Variants in PPP1R16B observed in about 807,000 individuals in gnomAD.
PPP1R16B encodes protein phosphatase 1 regulatory subunit 16B.
PPP1R16B carries 14 observed loss-of-function variants against 61.7 expected under a neutral mutation model. The observed-to-expected ratio is 0.23, with a 90% CI of 0.15 to 0.35. PPP1R16B has a LOEUF of 0.35. Ranked by LOEUF, PPP1R16B falls within the 10% of genes least tolerant of loss-of-function variation. PPP1R16B has a pLI of 1.00. For synonymous variants in PPP1R16B, 266 were observed against 305.3 expected (o/e 0.87, Z 1.34); for missense variants, 547 against 752.5 (o/e 0.73, Z 3.19).
At chr20:38,882,902 A>G (rs766331501) in intron 2 of PPP1R16B, among the ~76,000 whole-genome samples, 10 of 152,126 alleles carry the variant, frequency 6.6e-5, no homozygotes, top group Non-Finnish European at 1.3e-4. Context: ...GGAGGATCAG[A>G]GCTCGGTTTT....
At chr20:38,858,415 G>A (rs1028804575) in intron 2 of PPP1R16B, among the ~76,000 whole-genome samples, 6 of 152,100 alleles carry the variant, frequency 3.9e-5, no homozygotes, top group Non-Finnish European at 7.4e-5. Flanking sequence ...CTGCATTGAA[G>A]GAAACTTTAC....
At chr20:38,838,658 G>T (rs2084888673) in intron 2 of PPP1R16B, 1 of 152,318 alleles carries the variant, frequency 6.6e-6, no homozygotes, top group Non-Finnish European at 1.5e-5. Flanking sequence ...TTTTGTTGGG[G>T]GCGGAAGTTC....
chr20:38,840,784 G>T (rs1370070790), intron 2 of PPP1R16B, among the ~76,000 whole-genome samples: 2 of 152,182 alleles, frequency 1.3e-5, no homozygotes, highest in African/African-American at 4.8e-5. Context: ...TACTAGCTGT[G>T]CATCCTTGGG....
intron 2 of PPP1R16B, among the ~76,000 whole-genome samples, chr20:38,878,516 C>G (rs1299345812): frequency 6.6e-6 from 1 of 152,160 alleles, no homozygotes; most frequent in East Asian, 1.9e-4. Flanking sequence ...TTAGTCATGC[C>G]TGAAATACCA....
At chr20:38,911,035 G>A (rs2085484724) in intron 10 of PPP1R16B, among the ~76,000 whole-genome samples, 1 of 151,842 alleles carries the variant, frequency 6.6e-6, no homozygotes, top group African/African-American at 2.4e-5. Flanking sequence ...TTTTAGAGAT[G>A]GAATCTTGCT....
At chr20:38,915,903 A>G (rs1303447966) in intron 10 of PPP1R16B, among the ~76,000 whole-genome samples, 1 of 151,950 alleles carries the variant, frequency 6.6e-6, no homozygotes, top group African/African-American at 2.4e-5. Flanking sequence ...GAAGTGCCAA[A>G]TTGCAGGCCC....
chr20:38,863,887 A>C (rs1472966944), intron 2 of PPP1R16B, among the ~76,000 whole-genome samples: 2 of 152,246 alleles, frequency 1.3e-5, no homozygotes, highest in Admixed American at 1.3e-4. Flanking sequence ...ACTTGTCTAC[A>C]AATGTTCATA....
At position 38,920,082 on chromosome 20, in the gene PPP1R16B, G is replaced by A. The variant is rs1287315239; in HGVS notation, c.*1416G>A. On this transcript the variant is annotated 3_prime_UTR_variant, in exon 11 of 11. Coordinates refer to ENST00000299824, the MANE Select transcript of PPP1R16B (RefSeq NM_015568.4). ...TCCTGCATTCAGGAGAGCCATGGTAGGGCTAGAGTTGGGTCTTGCCCAGCC... is the reference window on the plus strand; with the variant it reads ...TCCTGCATTCAGGAGAGCCATGGTAAGGCTAGAGTTGGGTCTTGCCCAGCC... The A allele has an allele frequency of 1.3e-5, 2 of 152,390 alleles. No individual in the cohort carries two copies. Among genetic ancestry groups the A allele is most frequent in the African/African-American group, 2.4e-5 (1 of 41,452 alleles). 9.4% of individuals were successfully genotyped at this position (152,390 alleles called of 1,614,324 possible).
intron 10 of PPP1R16B, among the ~76,000 whole-genome samples, chr20:38,917,606 AC>A (rs1411296836): frequency 1.3e-5 from 2 of 152,164 alleles, no homozygotes; most frequent in East Asian, 1.9e-4. Flanking sequence ...TGACTGAAAA[AC>A]CCAACTCAAA....
intron 3 of PPP1R16B, among the ~76,000 whole-genome samples, chr20:38,892,839 G>A (rs1004994116): frequency 3.3e-5 from 5 of 152,190 alleles, no homozygotes; most frequent in African/African-American, 1.2e-4. Context: ...ATTCAAAGCC[G>A]AGGGAATAGC....
In PPP1R16B at chr20:38,835,825, G is replaced by T; in HGVS notation, c.-101G>T. 1.5e-6 allele frequency: 2 copies of T among 1,358,860 alleles called. No individual in the cohort carries two copies. The highest frequency in any genetic ancestry group is 1.9e-6 in the Non-Finnish European group (2 of 1,028,466). 84.2% of individuals were successfully genotyped at this position (1,358,860 alleles called of 1,614,324 possible). A position where few individuals can be genotyped will look rare whatever the true frequency, so the allele number is the denominator to read the frequency against. On this transcript the variant is annotated splice_region_variant and 5_prime_UTR_variant, in exon 2 of 11. Transcript: ENST00000299824. ...ATCTGTGTCTCCCTCCCTGCCACAG[G>T]CCACACCATGAGGCCCCAGCCCCAC... is the stretch of plus-strand genomic sequence containing the variant.
intron 2 of PPP1R16B, among the ~76,000 whole-genome samples, chr20:38,844,209 A>T (rs1466154066): frequency 6.6e-6 from 1 of 152,222 alleles, no homozygotes; most frequent in Non-Finnish European, 1.5e-5. Flanking sequence ...GCTTTATACA[A>T]TATAAGAAAA....
In PPP1R16B at chr20:38,921,512, C is replaced by T. The variant is rs977195103; in HGVS notation, c.*2846C>T. ...CGTCCAGCGACCCTTTGCTTTTCGG[C>T]TCCTAGAATCCTTAGAGTCTGAATT... On this transcript the variant is annotated 3_prime_UTR_variant, in exon 11 of 11. Coordinates refer to ENST00000299824, the MANE Select transcript of PPP1R16B (RefSeq NM_015568.4). 6.6e-6 allele frequency: 1 copy of T among 152,218 alleles called. No homozygotes were observed. The highest frequency in any genetic ancestry group is 1.5e-5 in the Non-Finnish European group (1 of 68,046). The allele number at this position is 152,218 out of a possible 1,614,324, so 9.4% of individuals were successfully genotyped here. A position where few individuals can be genotyped will look rare whatever the true frequency, so the allele number is the denominator to read the frequency against.
chr20:38,906,300 T>TG (rs1421442327), intron 7 of PPP1R16B, among the ~76,000 whole-genome samples: 1 of 143,816 alleles, frequency 7.0e-6, no homozygotes, highest in Non-Finnish European at 1.5e-5. Context: ...TTTTTTTTTT[T>TG]TTTTTTTTTT....
chr20:38,813,128 G>A (rs1178344582), intron 1 of PPP1R16B, among the ~76,000 whole-genome samples: 2 of 152,230 alleles, frequency 1.3e-5, no homozygotes, highest in East Asian at 3.8e-4. Flanking sequence ...CATCTGCTGT[G>A]CTGGCTGGCT....
At chr20:38,885,036 CAAA>C (rs71330453) in intron 2 of PPP1R16B, among the ~76,000 whole-genome samples, 5 of 67,824 alleles carry the variant, frequency 7.4e-5, no homozygotes, top group Non-Finnish European at 1.0e-4. Context: ...AACTCTGTCT[CAAA>C]AAAAAAAAAA....
chr20:38,875,937 A>T (rs1326611703), intron 2 of PPP1R16B, among the ~76,000 whole-genome samples: 21 of 128,366 alleles, frequency 1.6e-4, no homozygotes, highest in African/African-American at 5.9e-4. Flanking sequence ...GGAGACTTTT[A>T]TTGTGAGGGT....
At chr20:38,912,066 T>G (rs1310211154) in intron 10 of PPP1R16B, among the ~76,000 whole-genome samples, 1 of 151,404 alleles carries the variant, frequency 6.6e-6, no homozygotes, top group African/African-American at 2.4e-5. Context: ...CATGGCAGAG[T>G]GTTTCTTGCC....
chr20:38,822,365 C>G (rs1044499883), intron 1 of PPP1R16B, among the ~76,000 whole-genome samples: 1 of 152,098 alleles, frequency 6.6e-6, no homozygotes, highest in African/African-American at 2.4e-5. Context: ...CTAGTAAGTA[C>G]AGCACTGACT....
Sources: allele counts gnomAD v4.1 joint callset (sites outside exome capture counted in the v4.1 genomes callset), GRCh38; gene constraint gnomAD v4.1.1; transcripts MANE v1.5; gene names NCBI Gene and HGNC (gene_info 2026-07-23, HGNC 2026-07-21).